NRG1: variants seen among roughly 807,000 people sequenced by gnomAD.
NRG1 encodes pro-neuregulin-1, membrane-bound isoform.
A neutral mutation model predicts 63.8 loss-of-function variants in NRG1; 18 were observed. That is an observed-to-expected ratio of 0.28 (90% CI 0.19 to 0.42). The LOEUF is 0.42. NRG1 is among the 10% of genes least tolerant of loss of function. NRG1 has a pLI of 1.00. For synonymous variants in NRG1, 302 were observed against 301.3 expected (o/e 1.00, Z -0.02); for missense variants, 762 against 814.7 (o/e 0.94, Z 0.79).
intron 1 of NRG1, among the ~76,000 whole-genome samples, chr8:32,079,466 A>G (rs6999624): frequency 0.35 from 53,695 of 152,002 alleles, 10,049 homozygotes; most frequent in East Asian, 0.65. Flanking sequence ...GTGGAAACTA[A>G]TACTAATTAA....
At chr8:31,726,230 A>G (rs1162663507) in intron 1 of NRG1, among the ~76,000 whole-genome samples, 1 of 152,182 alleles carries the variant, frequency 6.6e-6, no homozygotes, top group Non-Finnish European at 1.5e-5. Context: ...ATATCTGTAT[A>G]TAAGTATAAC....
intron 1 of NRG1, among the ~76,000 whole-genome samples, chr8:32,364,966 T>G (rs1476752209): frequency 6.9e-6 from 1 of 144,768 alleles, no homozygotes; most frequent in Non-Finnish European, 1.5e-5. Flanking sequence ...ACTTTTTTTT[T>G]TTTTTTTTTT....
chr8:31,721,790 A>G (rs1456025868), intron 1 of NRG1, among the ~76,000 whole-genome samples: 2 of 151,946 alleles, frequency 1.3e-5, no homozygotes, highest in African/African-American at 4.8e-5. Context: ...TTTGCTATGT[A>G]TATTGCATCT....
chr8:32,711,873 A>G (rs1350775870), intron 5 of NRG1, among the ~76,000 whole-genome samples: 1 of 152,178 alleles, frequency 6.6e-6, no homozygotes, highest in African/African-American at 2.4e-5. Context: ...TTCTAGAAAT[A>G]TGACTATTAA....
At chr8:32,551,560 C>CATG (rs1588239471) in intron 1 of NRG1, among the ~76,000 whole-genome samples, 1 of 152,312 alleles carries the variant, frequency 6.6e-6, no homozygotes, top group South Asian at 2.1e-4. Flanking sequence ...TTTCATATGG[C>CATG]ATGAGTGACT....
At chr8:32,457,389 T>C (rs527378449) in intron 1 of NRG1, among the ~76,000 whole-genome samples, 3 of 152,172 alleles carry the variant, frequency 2.0e-5, no homozygotes, top group Non-Finnish European at 4.4e-5. Context: ...CATTTGTAGT[T>C]GGTTCCTTTC....
chr8:32,158,667 T>C (rs1415947455), intron 1 of NRG1, among the ~76,000 whole-genome samples: 1 of 151,336 alleles, frequency 6.6e-6, no homozygotes, highest in Non-Finnish European at 1.5e-5. Flanking sequence ...TGGATCTTCA[T>C]AGAGAGTAAG....
chr8:32,491,506 G>A (rs1250750822), intron 1 of NRG1, among the ~76,000 whole-genome samples: 1 of 152,178 alleles, frequency 6.6e-6, no homozygotes, highest in Non-Finnish European at 1.5e-5. Context: ...TGAGCAAAAT[G>A]TTCTTCTGTG....
chr8:31,704,847 A>G (rs1476493398), intron 1 of NRG1, among the ~76,000 whole-genome samples: 1 of 151,718 alleles, frequency 6.6e-6, no homozygotes, highest in Non-Finnish European at 1.5e-5. Context: ...AAAAAAAAAA[A>G]AAGAAATTAC....
chr8:32,043,535 A>T (rs73232443), intron 1 of NRG1, among the ~76,000 whole-genome samples: 1 of 152,036 alleles, frequency 6.6e-6, no homozygotes, highest in Admixed American at 6.6e-5. Context: ...ATAAATAAAT[A>T]TAGTACATAT....
At chr8:32,246,294 T>C (rs1287966058) in intron 1 of NRG1, among the ~76,000 whole-genome samples, 6 of 152,166 alleles carry the variant, frequency 3.9e-5, no homozygotes, top group Non-Finnish European at 1.5e-5. Context: ...ATATCAGCAA[T>C]ATTCCAAACA....
chr8:32,210,605 A>T (rs1844601202), intron 1 of NRG1, among the ~76,000 whole-genome samples: 1 of 152,182 alleles, frequency 6.6e-6, no homozygotes, highest in Non-Finnish European at 1.5e-5. Context: ...GACTTTGAAG[A>T]GAAGAAAAGA....
chr8:32,295,044 AACTCCCAGTTAT>A (rs1288753114), intron 1 of NRG1, among the ~76,000 whole-genome samples: 1 of 152,156 alleles, frequency 6.6e-6, no homozygotes. Flanking sequence ...ATGTCATATT[AACTCCCAGTTAT>A]ACTGAAACCA....
At chr8:31,713,187 A>G (rs1490199919) in intron 1 of NRG1, among the ~76,000 whole-genome samples, 1 of 124,408 alleles carries the variant, frequency 8.0e-6, no homozygotes, top group Non-Finnish European at 1.6e-5. Context: ...TGGGATCTCC[A>G]CTCACTGCAG....
At chr8:32,071,801 T>C (rs963915425) in intron 1 of NRG1, among the ~76,000 whole-genome samples, 1 of 152,218 alleles carries the variant, frequency 6.6e-6, no homozygotes, top group Admixed American at 6.5e-5. Flanking sequence ...ATCTCAGCTC[T>C]GTTGCTTACA....
intron 1 of NRG1, among the ~76,000 whole-genome samples, chr8:31,832,991 T>C (rs1417761690): frequency 2.0e-5 from 3 of 152,152 alleles, no homozygotes; most frequent in Non-Finnish European, 4.4e-5. Flanking sequence ...TTTGCAAAGA[T>C]ACGGTGTTCC....
chr8:32,397,590 T>A (rs1812606737), intron 1 of NRG1, among the ~76,000 whole-genome samples: 1 of 152,064 alleles, frequency 6.6e-6, no homozygotes, highest in Non-Finnish European at 1.5e-5. Flanking sequence ...CATTTTCCTC[T>A]AATTGGGTGT....
In NRG1 at chr8:32,040,579, TTGTG is replaced by T. The variant is rs34347522; in HGVS notation, c.37+401160_37+401163del. Among the ~76,000 whole-genome samples, 3 of 147,778 alleles carry T rather than the reference TTGTG, an allele frequency of 2.0e-5. No homozygotes were observed. In the East Asian group the frequency reaches 6.0e-4, roughly 29 times the overall value. ...GGCTTTTAAAAATGTGTTTGTCTGG[TTGTG>T]TGTGTGTGTGTATATGTATATATGC... On this transcript the variant is annotated intron_variant, in intron 1 of 10. Transcript: ENST00000519301.
chr8:32,032,593 G>T (rs999272933), intron 1 of NRG1, among the ~76,000 whole-genome samples: 1 of 152,166 alleles, frequency 6.6e-6, no homozygotes, highest in Non-Finnish European at 1.5e-5. Context: ...AGAAGTGTCT[G>T]TTCATGTCCT....
Sources: gnomAD v4.1 joint callset for allele counts (sites outside exome capture counted in the v4.1 genomes callset) on GRCh38, gnomAD v4.1.1 for gene constraint, MANE v1.5 for transcripts, NCBI Gene and HGNC (gene_info 2026-07-23, HGNC 2026-07-21) for gene names.